The following PGGT1B variants were observed in gnomAD, a reference collection of about 807,000 sequenced individuals.
PGGT1B encodes geranylgeranyl transferase type-1 subunit beta.
A neutral mutation model predicts 46.1 loss-of-function variants in PGGT1B; 30 were observed. The observed-to-expected ratio is 0.65, with a 90% CI of 0.49 to 0.88. PGGT1B has a LOEUF of 0.88. Ranked by LOEUF, PGGT1B falls within the 40% of genes least tolerant of loss-of-function variation. The pLI, the probability that PGGT1B is intolerant of heterozygous loss-of-function variation, is 0.00. For missense variants in PGGT1B, 376 were observed against 455.9 expected (o/e 0.82, Z 1.60); for synonymous variants, 170 against 160.0 (o/e 1.06, Z -0.47).
chr5:115,222,152 T>G, intron 6 of PGGT1B, 144 bp from the exon 7 acceptor site: 1 of 477,862 alleles, frequency 2.1e-6, no homozygotes, highest in Non-Finnish European at 3.7e-6. Flanking sequence ...GATTTTAAAA[T>G]AACCACTAAA....
intron 5 of PGGT1B, among the ~76,000 whole-genome samples, chr5:115,233,545 G>GAAAAAAAAAAAAAAAA (rs202078462): frequency 2.3e-5 from 3 of 131,868 alleles, no homozygotes. Context: ...AAAAAAGAAG[G>GAAAAAAAAAAAAAAAA]AAAAAAAAAA....
chr5:115,262,242 T>G (rs1398377004), intron 1 of PGGT1B, among the ~76,000 whole-genome samples: 1 of 152,206 alleles, frequency 6.6e-6, no homozygotes, highest in African/African-American at 2.4e-5. Context: ...AGATTTATAG[T>G]TCCCACAAAG....
At chr5:115,259,561 C>T (rs1748461774) in intron 1 of PGGT1B, among the ~76,000 whole-genome samples, 1 of 151,876 alleles carries the variant, frequency 6.6e-6, no homozygotes, top group South Asian at 2.1e-4. Context: ...TGGTGGCACA[C>T]ACCTGTAGTC....
chr5:115,244,105 A>C (rs140994782), intron 2 of PGGT1B, among the ~76,000 whole-genome samples: 1 of 152,318 alleles, frequency 6.6e-6, no homozygotes, highest in African/African-American at 2.4e-5. Flanking sequence ...CCTTCACAGC[A>C]GTACCCAGAT....
intron 1 of PGGT1B, among the ~76,000 whole-genome samples, chr5:115,256,170 G>A (rs909883877): frequency 1.3e-5 from 2 of 152,190 alleles, no homozygotes; most frequent in Non-Finnish European, 2.9e-5. Context: ...GGTTGTCACA[G>A]TGGAGGAGGG....
At chr5:115,214,795 T>C (rs1005914504) in intron 8 of PGGT1B, among the ~76,000 whole-genome samples, 3 of 152,200 alleles carry the variant, frequency 2.0e-5, no homozygotes, top group Non-Finnish European at 2.9e-5. Context: ...GAGACTGTCA[T>C]TTCCCTACTC....
chr5:115,259,670 A>G (rs2127037424), intron 1 of PGGT1B, among the ~76,000 whole-genome samples: 1 of 139,672 alleles, frequency 7.2e-6, no homozygotes, highest in African/African-American at 2.8e-5. Flanking sequence ...GCCTGGTGAC[A>G]GAGTGAGACT....
intron 1 of PGGT1B, among the ~76,000 whole-genome samples, chr5:115,254,946 G>C (rs916294676): frequency 1.3e-5 from 2 of 152,110 alleles, no homozygotes; most frequent in African/African-American, 4.8e-5. Flanking sequence ...CTTTATGTGG[G>C]AAGCAGTGTT....
rs367555256 is a variant in PGGT1B, at chr5:115,262,819, C to T, written c.33G>A (p.Gly11=). Residue 11 remains glycine (G), a synonymous_variant, in exon 1 of 9, where the codon GGG becomes GGA. Transcript: ENST00000419445. ...AATCCAGCCGCTCTCCCTCACCGCTCCCTGCTAGCCTCTCATCCTCAGTGG... is the reference window on the plus strand; with the variant it reads ...AATCCAGCCGCTCTCCCTCACCGCTTCCTGCTAGCCTCTCATCCTCAGTGG... The part of the protein sequence containing the change: MAATEDERLA[G]SGEGERLDFL... 27 of 1,612,668 alleles carry T rather than the reference C, an allele frequency of 1.7e-5. No individual in the cohort carries two copies. Among genetic ancestry groups the T allele is most frequent in the Middle Eastern group, 2.1e-4 (1 of 4,878 alleles).
intron 6 of PGGT1B, among the ~76,000 whole-genome samples, chr5:115,225,006 G>C (rs2126998704): frequency 6.6e-6 from 1 of 152,136 alleles, no homozygotes; most frequent in East Asian, 1.9e-4. Context: ...TTAGATCAAT[G>C]ATGTGTACAC....
intron 6 of PGGT1B, among the ~76,000 whole-genome samples, chr5:115,225,738 T>C (rs1189734629): frequency 6.7e-6 from 1 of 150,028 alleles, no homozygotes; most frequent in Non-Finnish European, 1.5e-5. Context: ...CTCCGCCTCC[T>C]GGGTTCAAAC....
At chr5:115,237,777 T>A in intron 4 of PGGT1B, 81 bp downstream of exon 4, 1 of 1,161,034 alleles carries the variant, frequency 8.6e-7, no homozygotes, top group Non-Finnish European at 1.2e-6. Flanking sequence ...CCTCTAAAGA[T>A]CTAGTATAGT....
In PGGT1B at chr5:115,221,818, T is replaced by C; in HGVS notation, c.843+6A>G. On this transcript the variant is annotated splice_donor_region_variant and intron_variant, in intron 7 of 8. Coordinates refer to ENST00000419445, the MANE Select transcript of PGGT1B (RefSeq NM_005023.4). ...TAGGTTTCTCATTTTTTATTATTTC[T>C]CTTACCTTCAGAGTTGCTCCCACCC... is the stretch of plus-strand genomic sequence containing the variant. 6.5e-7 allele frequency: 1 copy of C among 1,542,954 alleles called. No individual in the cohort carries two copies. The highest frequency in any genetic ancestry group is 1.2e-5 in the South Asian group (1 of 82,728).
At chr5:115,258,341 C>T (rs1561488056) in intron 1 of PGGT1B, among the ~76,000 whole-genome samples, 1 of 152,188 alleles carries the variant, frequency 6.6e-6, no homozygotes, top group African/African-American at 2.4e-5. Context: ...TTCACTGCCT[C>T]AGCATCTCTC....
chr5:115,226,496 T>C (rs113216218), intron 6 of PGGT1B, among the ~76,000 whole-genome samples: 2 of 151,922 alleles, frequency 1.3e-5, no homozygotes, highest in Non-Finnish European at 2.9e-5. Flanking sequence ...TCATGAAAAA[T>C]GGGCTCCAAG....
rs1412112781 is a variant in PGGT1B, at chr5:115,211,695, C to T, written c.*707G>A. 3.3e-5 allele frequency: 5 copies of T among 150,546 alleles called. No individual in the cohort carries two copies. Among genetic ancestry groups the T allele is most frequent in the Admixed American group, 1.3e-4 (2 of 15,112 alleles). 9.3% of individuals were successfully genotyped at this position (150,546 alleles called of 1,614,324 possible). A position where few individuals can be genotyped will look rare whatever the true frequency, so the allele number is the denominator to read the frequency against. On this transcript the variant is annotated 3_prime_UTR_variant, in exon 9 of 9. Transcript: ENST00000419445. ...CAGCAATGTCTAGATAAATGACCCACATAGCACAAAACTTTCTCATTCACA... is the reference window on the plus strand; with the variant it reads ...CAGCAATGTCTAGATAAATGACCCATATAGCACAAAACTTTCTCATTCACA...
chr5:115,256,004 G>C (rs956688699), intron 1 of PGGT1B, among the ~76,000 whole-genome samples: 1 of 152,136 alleles, frequency 6.6e-6, no homozygotes, highest in African/African-American at 2.4e-5. Context: ...AAATCTATGG[G>C]TGTAAGGTGG....
chr5:115,259,685 CAAAAAA>C (rs917531364), intron 1 of PGGT1B, among the ~76,000 whole-genome samples: 1 of 29,470 alleles, frequency 3.4e-5, no homozygotes, highest in African/African-American at 1.2e-4. Context: ...GAGACTGTCT[CAAAAAA>C]AAAAAAAAAA....
rs990419950 is a variant in PGGT1B, at chr5:115,215,401, C to A, written c.952+1464G>T. Among the ~76,000 whole-genome samples, 36 of 152,124 alleles carry A rather than the reference C, an allele frequency of 2.4e-4. 1 individual carries two copies. The highest frequency in any genetic ancestry group is 8.7e-4 in the African/African-American group (36 of 41,416). On this transcript the variant is annotated intron_variant, in intron 8 of 8. Coordinates refer to ENST00000419445, the MANE Select transcript of PGGT1B (RefSeq NM_005023.4). ...GCAACCTCTGCCTCCCAGGTTCAGG[C>A]AATTCTTCTGCCCCAGCCTCCCAAG...
Sources: allele counts gnomAD v4.1 joint callset (sites outside exome capture counted in the v4.1 genomes callset), GRCh38; gene constraint gnomAD v4.1.1; transcripts MANE v1.5; gene names NCBI Gene and HGNC (gene_info 2026-07-23, HGNC 2026-07-21).